The following PPP3CA variants were observed in gnomAD, a reference collection of about 807,000 sequenced individuals.
PPP3CA encodes protein phosphatase 3 catalytic subunit alpha.
A neutral mutation model predicts 66.5 loss-of-function variants in PPP3CA; 14 were observed. That is an observed-to-expected ratio of 0.21 (90% CI 0.14 to 0.33). The LOEUF is 0.33. PPP3CA is among the 10% of genes least tolerant of loss of function. PPP3CA has a pLI of 1.00. For synonymous variants in PPP3CA, 232 were observed against 226.2 expected (o/e 1.03, Z -0.23); for missense variants, 317 against 639.5 (o/e 0.50, Z 5.44).
At chr4:101,202,415 G>A (rs955875482) in intron 1 of PPP3CA, among the ~76,000 whole-genome samples, 2 of 152,018 alleles carry the variant, frequency 1.3e-5, no homozygotes, top group Non-Finnish European at 2.9e-5. Flanking sequence ...CTAATATTGA[G>A]CAATTAGGTT....
rs139146608 is a variant in PPP3CA at position 101,152,276 on chromosome 4, G to T, written c.260-43198C>A. ...GAAAATCATATAGTACTTTGATCTA[G>T]GTTGAGATGTATTAACATAAATCCT... On this transcript the variant is annotated intron_variant, in intron 2 of 13. Transcript: ENST00000394854. Among the ~76,000 whole-genome samples, 699 of 152,260 alleles carry T rather than the reference G, an allele frequency of 4.6e-3. 3 individuals carry two copies. Among genetic ancestry groups the T allele is most frequent in the African/African-American group, 0.015 (616 of 41,556 alleles).
chr4:101,289,872 G>GTGTGTGTGTGTGTGTGTA (rs1344920841), intron 1 of PPP3CA, among the ~76,000 whole-genome samples: 1 of 31,290 alleles, frequency 3.2e-5, no homozygotes, highest in Non-Finnish European at 5.9e-5. Flanking sequence ...GTCCGTGTAT[G>GTGTGTGTGTGTGTGTGTA]TGTGTGTGTG....
intron 1 of PPP3CA, among the ~76,000 whole-genome samples, chr4:101,277,917 T>A (rs1727553452): frequency 6.6e-6 from 1 of 152,174 alleles, no homozygotes. Context: ...ACTGAGATAG[T>A]GACTATATTA....
At chr4:101,280,966 G>C (rs1222129425) in intron 1 of PPP3CA, among the ~76,000 whole-genome samples, 1 of 151,838 alleles carries the variant, frequency 6.6e-6, no homozygotes, top group African/African-American at 2.4e-5. Flanking sequence ...AGAAGAAATA[G>C]GAAAAAAAAA....
At chr4:101,103,156 C>T (rs1349676213) in intron 3 of PPP3CA, among the ~76,000 whole-genome samples, 1 of 152,004 alleles carries the variant, frequency 6.6e-6, no homozygotes, top group Non-Finnish European at 1.5e-5. Flanking sequence ...GTAATTTATG[C>T]TTTTAATGAT....
intron 5 of PPP3CA, 81 bp from the exon 6 acceptor site, chr4:101,093,996 G>A (rs1730079066): frequency 7.6e-7 from 1 of 1,318,404 alleles, no homozygotes; most frequent in African/African-American, 1.5e-5. Flanking sequence ...CAAGCACTGT[G>A]CAGAACCCAT....
At chr4:101,143,293 T>C (rs1722867792) in intron 2 of PPP3CA, among the ~76,000 whole-genome samples, 1 of 152,308 alleles carries the variant, frequency 6.6e-6, no homozygotes, top group South Asian at 2.1e-4. Context: ...CATCATCAAT[T>C]ATTTACTCCC....
intron 1 of PPP3CA, among the ~76,000 whole-genome samples, chr4:101,334,073 A>T (rs1007396669): frequency 1.3e-5 from 2 of 152,146 alleles, no homozygotes; most frequent in Admixed American, 1.3e-4. Context: ...CAACCAAATA[A>T]TCTACTTACC....
intron 2 of PPP3CA, among the ~76,000 whole-genome samples, chr4:101,154,732 C>A (rs1163522335): frequency 6.6e-6 from 1 of 151,676 alleles, no homozygotes; most frequent in African/African-American, 2.4e-5. Flanking sequence ...TTCAAATATG[C>A]ACTGAATTAC....
In PPP3CA at chr4:101,245,259, C is replaced by G. The variant is rs371402302; in HGVS notation, c.59-49143G>C. ...TATCACATGTTTAATTCGCCATCTT[C>G]TCCCAAAGAGCACTAGCTCCTCTGT... On this transcript the variant is annotated intron_variant, in intron 1 of 13. Coordinates refer to ENST00000394854, the MANE Select transcript of PPP3CA (RefSeq NM_000944.5). 1.3e-3 allele frequency among the ~76,000 whole-genome samples: 191 copies of G among 152,290 alleles called. 1 individual carries two copies. Among genetic ancestry groups the G allele is most frequent in the African/African-American group, 4.5e-3 (187 of 41,558 alleles).
rs779695561 is a variant in PPP3CA, at chr4:101,154,808, A to ATTTTTTT, written c.259+41101_259+41107dup. 1.0e-3 allele frequency among the ~76,000 whole-genome samples: 91 copies of ATTTTTTT among 90,580 alleles called. 10 individuals carry two copies. The highest frequency in any genetic ancestry group is 3.1e-3 in the African/African-American group (60 of 19,582). 59.4% of individuals were successfully genotyped at this position (90,580 alleles called of 152,430 possible). ...GCTTCAGAACACATTCACTCCCAGA[A>ATTTTTTT]TTTTTTTTTTTTTTTTTTTTTTTTT... On this transcript the variant is annotated intron_variant, in intron 2 of 13. Coordinates refer to ENST00000394854, the MANE Select transcript of PPP3CA (RefSeq NM_000944.5).
chr4:101,168,904 C>T (rs1156804755), intron 2 of PPP3CA, among the ~76,000 whole-genome samples: 2 of 152,080 alleles, frequency 1.3e-5, no homozygotes, highest in Non-Finnish European at 2.9e-5. Context: ...GTGCTAAATC[C>T]ACCATCTTAG....
intron 1 of PPP3CA, among the ~76,000 whole-genome samples, chr4:101,205,077 A>T (rs1329397611): frequency 6.6e-6 from 1 of 151,734 alleles, no homozygotes; most frequent in Non-Finnish European, 1.5e-5. Context: ...CACTGGGATG[A>T]ATTTAAAGAG....
At chr4:101,145,333 T>C (rs1398266248) in intron 2 of PPP3CA, among the ~76,000 whole-genome samples, 1 of 152,164 alleles carries the variant, frequency 6.6e-6, no homozygotes, top group Admixed American at 6.5e-5. Flanking sequence ...GAGATATCTG[T>C]ACTCTCATGT....
chr4:101,198,173 T>G (rs1724860229), intron 1 of PPP3CA, among the ~76,000 whole-genome samples: 2 of 152,200 alleles, frequency 1.3e-5, no homozygotes, highest in South Asian at 4.1e-4. Flanking sequence ...GGTCATTAAA[T>G]TTGAGGCATT....
intron 2 of PPP3CA, among the ~76,000 whole-genome samples, chr4:101,129,531 CA>C (rs1385616400): frequency 6.6e-6 from 1 of 152,168 alleles, no homozygotes; most frequent in Non-Finnish European, 1.5e-5. Flanking sequence ...CCCTCTGGGA[CA>C]AAGCTTCTAG....
In PPP3CA at chr4:101,023,722, A is replaced by G. The variant is rs1232842153; in HGVS notation, c.*2143T>C. The G allele has an allele frequency of 2.0e-5, 3 of 152,644 alleles. No individual in the cohort carries two copies. Among genetic ancestry groups the G allele is most frequent in the Non-Finnish European group, 4.4e-5 (3 of 68,032 alleles). 9.5% of individuals were successfully genotyped at this position (152,644 alleles called of 1,614,324 possible). ...CTTGGGATAGTCTTTGCCAGACTGT[A>G]TCGAGAACATCTTTGTTTGGGTATG... On this transcript the variant is annotated 3_prime_UTR_variant, in exon 14 of 14. Coordinates refer to ENST00000394854, the MANE Select transcript of PPP3CA (RefSeq NM_000944.5).
intron 8 of PPP3CA, among the ~76,000 whole-genome samples, chr4:101,079,157 G>C (rs945906104): frequency 6.6e-6 from 1 of 152,152 alleles, no homozygotes; most frequent in African/African-American, 2.4e-5. Context: ...CATTCAACAG[G>C]TGCTTGGGAA....
chr4:101,310,063 T>C (rs1578653892), intron 1 of PPP3CA, among the ~76,000 whole-genome samples: 1 of 152,216 alleles, frequency 6.6e-6, no homozygotes, highest in Admixed American at 6.5e-5. Context: ...AACTAAAATA[T>C]ACCAGTTGTA....
Sources: gnomAD v4.1 joint callset for allele counts (sites outside exome capture counted in the v4.1 genomes callset) on GRCh38, gnomAD v4.1.1 for gene constraint, MANE v1.5 for transcripts, NCBI Gene and HGNC (gene_info 2026-07-23, HGNC 2026-07-21) for gene names.